Variants in STAG1 observed in about 807,000 individuals in gnomAD.
The protein encoded by STAG1 is cohesin subunit SA-1.
Under a neutral mutation model 170.9 loss-of-function variants are expected in STAG1, and 26 were observed. That is an observed-to-expected ratio of 0.15 (90% CI 0.11 to 0.21). STAG1 has a LOEUF of 0.21. Ranked by LOEUF, STAG1 falls within the 10% of genes least tolerant of loss-of-function variation. STAG1 has a pLI of 1.00. For synonymous variants in STAG1, 514 were observed against 497.7 expected (o/e 1.03, Z -0.44); for missense variants, 964 against 1,509.5 (o/e 0.64, Z 5.99).
intron 21 of STAG1, 170 bp downstream of exon 21, chr3:136,417,715 T>A (rs560076876): frequency 1.7e-6 from 1 of 584,146 alleles, no homozygotes; most frequent in East Asian, 2.9e-5. Context: ...CATAAGCCAG[T>A]ATAATACACC....
intron 9 of STAG1, among the ~76,000 whole-genome samples, chr3:136,479,060 C>CTTTTTTTTTTTTTTTTTTATTTTT (rs66966875): frequency 1.6e-5 from 2 of 125,172 alleles, no homozygotes; most frequent in Non-Finnish European, 3.2e-5. Context: ...TATAATCTTT[C>CTTTTTTTTTTTTTTTTTTATTTTT]TTTTTTTTTT....
chr3:136,460,304 TAAAG>T (rs1248975698), intron 13 of STAG1, among the ~76,000 whole-genome samples: 3 of 151,880 alleles, frequency 2.0e-5, no homozygotes, highest in Non-Finnish European at 2.9e-5. Flanking sequence ...AAATGAACCA[TAAAG>T]AAATAGAAAA....
intron 28 of STAG1, among the ~76,000 whole-genome samples, chr3:136,353,703 G>T (rs953622624): frequency 6.6e-6 from 1 of 152,186 alleles, no homozygotes; most frequent in African/African-American, 2.4e-5. Context: ...ACCCCTGAGA[G>T]AATCTGTTGC....
intron 1 of STAG1, among the ~76,000 whole-genome samples, chr3:136,696,769 G>A (rs1226750211): frequency 2.0e-5 from 3 of 152,086 alleles, no homozygotes; most frequent in Non-Finnish European, 4.4e-5. Flanking sequence ...AAAGAAGCCA[G>A]GCTAAAAAGG....
At chr3:136,495,399 T>A (rs1933023738) in intron 9 of STAG1, among the ~76,000 whole-genome samples, 3 of 152,128 alleles carry the variant, frequency 2.0e-5, no homozygotes, top group Admixed American at 2.0e-4. Flanking sequence ...TGTTCACAGA[T>A]ACCAAAAGCA....
Position 136,423,054 on chromosome 3 carries a change from A to G in STAG1, c.1651-10T>C, listed in dbSNP as rs546425581. 1 of 1,570,350 alleles carries G rather than the reference A, an allele frequency of 6.4e-7. No individual in the cohort carries two copies. The highest frequency in any genetic ancestry group is 8.7e-7 in the Non-Finnish European group (1 of 1,149,972). ...CTTTGGCAGTTAGCACCTAGAAACA[A>G]AATCGGAAAAGAAGAAGAGTATTGT... is the stretch of plus-strand genomic sequence containing the variant. On this transcript the variant is annotated splice_polypyrimidine_tract_variant and intron_variant, in intron 16 of 33. Coordinates refer to ENST00000383202, the MANE Select transcript of STAG1 (RefSeq NM_005862.3).
chr3:136,525,068 T>A (rs1473577623), intron 6 of STAG1, among the ~76,000 whole-genome samples: 8 of 152,214 alleles, frequency 5.3e-5, no homozygotes, highest in African/African-American at 1.9e-4. Context: ...TTTTTTGTTA[T>A]GTCTCTGCCA....
chr3:136,556,929 G>A (rs979659349), intron 5 of STAG1, among the ~76,000 whole-genome samples: 29 of 152,090 alleles, frequency 1.9e-4, no homozygotes, highest in African/African-American at 7.0e-4. Context: ...AAGCCAGTAA[G>A]TTTCTAGTCA....
chr3:136,526,633 T>G (rs539259871), intron 6 of STAG1, among the ~76,000 whole-genome samples: 3 of 152,212 alleles, frequency 2.0e-5, no homozygotes, highest in Non-Finnish European at 4.4e-5. Flanking sequence ...TTTGATCCTG[T>G]CATTATGTTA....
intron 22 of STAG1, among the ~76,000 whole-genome samples, chr3:136,392,765 C>CAAAA (rs71157377): frequency 8.6e-5 from 8 of 93,522 alleles, no homozygotes; most frequent in African/African-American, 1.2e-4. Context: ...GGCTCCGTCT[C>CAAAA]AAAAAAAAAA....
intron 6 of STAG1, among the ~76,000 whole-genome samples, chr3:136,541,329 T>A (rs1328113783): frequency 6.6e-6 from 1 of 152,030 alleles, no homozygotes; most frequent in African/African-American, 2.4e-5. Flanking sequence ...GCCTAATACA[T>A]AATATAAATT....
Position 136,377,073 on chromosome 3 carries a change from G to A in STAG1, c.2370+587C>T, listed in dbSNP as rs1231720836. 4.7e-5 allele frequency among the ~76,000 whole-genome samples: 7 copies of A among 147,748 alleles called. No individual in the cohort carries two copies. The East Asian group carries it at 6.7e-4, about 14-fold the overall frequency. On this transcript the variant is annotated intron_variant, in intron 23 of 33. Transcript: ENST00000383202. The stretch of plus-strand genomic sequence containing the variant: ...ATTACAGGCGTGAGCCACTGCGCCC[G>A]GCCATTCTGGTGTCAATTCTTAGGA...
chr3:136,430,806 GACACACACACACAC>G (rs35492621), intron 16 of STAG1, among the ~76,000 whole-genome samples: 54 of 131,160 alleles, frequency 4.1e-4, no homozygotes, highest in African/African-American at 9.8e-4. Flanking sequence ...GACATAGACA[GACACACACACACAC>G]ACACACACAC....
At chr3:136,721,768 C>CA (rs1384141701) in intron 1 of STAG1, among the ~76,000 whole-genome samples, 3 of 151,868 alleles carry the variant, frequency 2.0e-5, no homozygotes, top group Non-Finnish European at 2.9e-5. Flanking sequence ...ACTAAAAATA[C>CA]AAAAAATTAG....
In STAG1 at chr3:136,739,503, C is replaced by CAAAAA. The variant is rs1165327249; in HGVS notation, c.-84+12687_-84+12691dup. Among the ~76,000 whole-genome samples the CAAAAA allele has an allele frequency of 1.8e-3, 81 of 45,556 alleles. 1 individual carries two copies. The highest frequency in any genetic ancestry group is 0.013 in the Middle Eastern group (1 of 78). 29.9% of individuals were successfully genotyped at this position (45,556 alleles called of 152,430 possible). A position where few individuals can be genotyped will look rare whatever the true frequency, so the allele number is the denominator to read the frequency against. On this transcript the variant is annotated intron_variant, in intron 1 of 33. Coordinates refer to ENST00000383202, the MANE Select transcript of STAG1 (RefSeq NM_005862.3). ...TCCAGCATGGGGCAACAGACTCCGT[C>CAAAAA]AAAAAAAAAAAAAAAAGAAAAAAAA...
At chr3:136,605,329 C>A (rs972684701) in intron 3 of STAG1, among the ~76,000 whole-genome samples, 1 of 152,142 alleles carries the variant, frequency 6.6e-6, no homozygotes, top group Admixed American at 6.6e-5. Context: ...TTATCTCTAT[C>A]TCACCTTTAG....
chr3:136,696,831 C>A (rs1050913730), intron 1 of STAG1, among the ~76,000 whole-genome samples: 1 of 151,976 alleles, frequency 6.6e-6, no homozygotes, highest in Non-Finnish European at 1.5e-5. Flanking sequence ...AGCAGAACCA[C>A]GAATAAGAAA....
chr3:136,731,644 C>T (rs1217328218), intron 1 of STAG1, among the ~76,000 whole-genome samples: 2 of 152,228 alleles, frequency 1.3e-5, no homozygotes, highest in African/African-American at 2.4e-5. Context: ...TCCTTGTGTA[C>T]TTCGGGAAAA....
At chr3:136,490,985 G>T (rs2090114776) in intron 9 of STAG1, among the ~76,000 whole-genome samples, 1 of 151,596 alleles carries the variant, frequency 6.6e-6, no homozygotes, top group South Asian at 2.1e-4. Flanking sequence ...TTTTCACTAC[G>T]GTATGTCTAG....
Sources: allele counts gnomAD v4.1 joint callset (sites outside exome capture counted in the v4.1 genomes callset), GRCh38; gene constraint gnomAD v4.1.1; transcripts MANE v1.5; gene names NCBI Gene and HGNC (gene_info 2026-07-23, HGNC 2026-07-21).